The following WDR70 variants were observed in gnomAD, a reference collection of about 807,000 sequenced individuals.
WDR70 encodes the protein WD repeat-containing protein 70.
WDR70 carries 53 observed loss-of-function variants against 88.6 expected under a neutral mutation model. The observed-to-expected ratio is 0.60, with a 90% CI of 0.48 to 0.75. The LOEUF (loss-of-function observed/expected upper bound fraction) is 0.75. WDR70 is among the 30% of genes least tolerant of loss of function. The pLI, the probability that WDR70 is intolerant of heterozygous loss-of-function variation, is 0.00. For missense variants in WDR70, 610 were observed against 823.2 expected (o/e 0.74, Z 3.17); for synonymous variants, 280 against 270.0 (o/e 1.04, Z -0.36).
intron 7 of WDR70, among the ~76,000 whole-genome samples, chr5:37,471,368 A>T (rs1191258727): frequency 6.6e-6 from 1 of 151,766 alleles, no homozygotes; most frequent in Non-Finnish European, 1.5e-5. Flanking sequence ...GTGATGCATG[A>T]TGAGATTAGA....
At chr5:37,676,390 T>G (rs1746209663) in intron 10 of WDR70, among the ~76,000 whole-genome samples, 1 of 152,150 alleles carries the variant, frequency 6.6e-6, no homozygotes, top group Non-Finnish European at 1.5e-5. Flanking sequence ...ATAGCTCTTA[T>G]TATTTTGAAA....
At chr5:37,670,019 GA>G (rs577267750) in intron 10 of WDR70, among the ~76,000 whole-genome samples, 25 of 151,846 alleles carry the variant, frequency 1.6e-4, no homozygotes, top group East Asian at 5.8e-4. Flanking sequence ...GAAATATTAA[GA>G]AAAAAAAGGG....
chr5:37,723,879 A>G (rs1237813817), intron 15 of WDR70: 2 of 152,182 alleles, frequency 1.3e-5, no homozygotes, highest in African/African-American at 4.8e-5. Flanking sequence ...GTGTTGCCCA[A>G]CTGAGTGACG....
chr5:37,546,344 C>T (rs898833923), intron 9 of WDR70, among the ~76,000 whole-genome samples: 1 of 152,050 alleles, frequency 6.6e-6, no homozygotes, highest in African/African-American at 2.4e-5. Context: ...CCATATGTAA[C>T]GGGTAAGATG....
rs376827047 is a variant in WDR70, at chr5:37,739,160, C to T, written c.1877+12115C>T. On this transcript the variant is annotated intron_variant, in intron 17 of 17. Coordinates refer to ENST00000265107, the MANE Select transcript of WDR70 (RefSeq NM_018034.4). ...TGTAAGTTTAGGTTTTTAAATTAGT[C>T]GTCAGAAACATGGGTAAGTGTGGGC... Among the ~76,000 whole-genome samples the T allele has an allele frequency of 3.3e-5, 5 of 152,140 alleles. No homozygotes were observed. In the South Asian group the frequency reaches 1.0e-3, roughly 32 times the overall value.
chr5:37,679,791 A>C (rs1398952746), intron 10 of WDR70, among the ~76,000 whole-genome samples: 7 of 152,360 alleles, frequency 4.6e-5, no homozygotes, highest in Non-Finnish European at 1.0e-4. Context: ...TTAAGTCTGC[A>C]GAGCTTACTC....
At chr5:37,582,800 TA>T (rs1300204763) in intron 9 of WDR70, among the ~76,000 whole-genome samples, 3 of 152,264 alleles carry the variant, frequency 2.0e-5, no homozygotes, top group African/African-American at 7.2e-5. Context: ...GGTGTAATCC[TA>T]AAGGTCTTAA....
At chr5:37,582,627 T>C (rs1029293018) in intron 9 of WDR70, among the ~76,000 whole-genome samples, 1 of 152,238 alleles carries the variant, frequency 6.6e-6, no homozygotes, top group African/African-American at 2.4e-5. Context: ...CAAATGGGGA[T>C]AATAAAAGTA....
intron 8 of WDR70, among the ~76,000 whole-genome samples, chr5:37,504,910 A>G (rs1470342301): frequency 1.3e-5 from 2 of 152,230 alleles, no homozygotes; most frequent in Admixed American, 1.3e-4. Context: ...ATTGGTAGGC[A>G]GGTACAGGCC....
In WDR70 at chr5:37,423,553, T is replaced by G. The variant is rs78811647; in HGVS notation, c.493-14369T>G. 1.0e-3 allele frequency among the ~76,000 whole-genome samples: 146 copies of G among 145,568 alleles called. 1 individual carries two copies. In the East Asian group the frequency reaches 0.022, roughly 22 times the overall value. ...GCTGCTTAGGTTGTTTAAATGTTTG[T>G]TTTTTTTTGTCTTTTTTTTTTTTTT... On this transcript the variant is annotated intron_variant, in intron 5 of 17. Coordinates refer to ENST00000265107, the MANE Select transcript of WDR70 (RefSeq NM_018034.4).
intron 9 of WDR70, among the ~76,000 whole-genome samples, chr5:37,553,309 G>C (rs900715521): frequency 3.3e-5 from 5 of 152,242 alleles, no homozygotes; most frequent in African/African-American, 1.2e-4. Flanking sequence ...TGGAACTCAC[G>C]TCTGGCTCCG....
chr5:37,482,914 G>A (rs1194270535), intron 8 of WDR70, among the ~76,000 whole-genome samples: 1 of 151,998 alleles, frequency 6.6e-6, no homozygotes, highest in Non-Finnish European at 1.5e-5. Flanking sequence ...ACATGCTGTG[G>A]TACACACTTA....
intron 7 of WDR70, among the ~76,000 whole-genome samples, chr5:37,462,974 A>G (rs959191226): frequency 2.0e-5 from 3 of 152,048 alleles, no homozygotes; most frequent in Non-Finnish European, 2.9e-5. Context: ...CTCATTTTCC[A>G]TGAAATAAGG....
At chr5:37,722,832 T>C (rs748778634) in intron 14 of WDR70, 23 bp from the exon 15 acceptor site, 1 of 1,611,798 alleles carries the variant, frequency 6.2e-7, no homozygotes, top group Non-Finnish European at 8.5e-7. Context: ...GTAAAGAAAA[T>C]AATTTGCTTT....
intron 10 of WDR70, among the ~76,000 whole-genome samples, chr5:37,674,318 G>T (rs888187686): frequency 6.6e-6 from 1 of 151,796 alleles, no homozygotes; most frequent in African/African-American, 2.4e-5. Flanking sequence ...GTGCCATGCT[G>T]GTGTGCTGCA....
intron 6 of WDR70, among the ~76,000 whole-genome samples, chr5:37,440,608 G>A (rs1276214077): frequency 6.6e-6 from 1 of 152,230 alleles, no homozygotes; most frequent in Non-Finnish European, 1.5e-5. Context: ...GCCTCCCAAA[G>A]TGCTGGGATT....
chr5:37,749,840 ACC>A (rs1748752411), intron 17 of WDR70, among the ~76,000 whole-genome samples: 191 of 150,378 alleles, frequency 1.3e-3, no homozygotes, highest in African/African-American at 3.9e-3. Context: ...GAAAAAAAAA[ACC>A]AAAAACGCAG....
At chr5:37,450,397 T>G (rs1245165114) in intron 7 of WDR70, among the ~76,000 whole-genome samples, 3 of 152,190 alleles carry the variant, frequency 2.0e-5, no homozygotes, top group Admixed American at 6.5e-5. Flanking sequence ...TGCGTGTATA[T>G]TATACTAACC....
chr5:37,383,686 T>G (rs1748505372), intron 3 of WDR70, among the ~76,000 whole-genome samples: 1 of 152,028 alleles, frequency 6.6e-6, no homozygotes, highest in South Asian at 2.1e-4. Flanking sequence ...TTCATGCCAT[T>G]CTCCCGCCTC....
Sources: gnomAD v4.1 joint callset for allele counts (sites outside exome capture counted in the v4.1 genomes callset) on GRCh38, gnomAD v4.1.1 for gene constraint, MANE v1.5 for transcripts, NCBI Gene and HGNC (gene_info 2026-07-23, HGNC 2026-07-21) for gene names.